The following AFF1 variants were observed in gnomAD, a reference collection of about 807,000 sequenced individuals.
AFF1 encodes the protein AF4/FMR2 family member 1.
In AFF1, 48 loss-of-function variants were observed where a neutral mutation model predicts 121.7. That is an observed-to-expected ratio of 0.39 (90% confidence interval 0.31 to 0.50). The LOEUF (loss-of-function observed/expected upper bound fraction) is 0.50. Among genes scored for constraint, AFF1 ranks in the 20% least tolerant of loss-of-function variants. The pLI, the probability that AFF1 is intolerant of heterozygous loss-of-function variation, is 0.76. For synonymous variants in AFF1, 613 were observed against 563.0 expected (o/e 1.09, Z -1.26); for missense variants, 1,523 against 1,511.7 (o/e 1.01, Z -0.12).
intron 2 of AFF1, chr4:86,950,191 T>C (rs1721205997): frequency 1.4e-6 from 2 of 1,384,048 alleles, no homozygotes; most frequent in Non-Finnish European, 2.1e-6. Flanking sequence ...TATTATTATT[T>C]TTTTAAGACA....
chr4:87,125,269 A>G (rs966012339), intron 13 of AFF1, 126 bp downstream of exon 13: 10 of 567,120 alleles, frequency 1.8e-5, no homozygotes, highest in Middle Eastern at 3.8e-4. Context: ...CATTTGGACA[A>G]TGTAATAAGT....
At chr4:86,942,574 A>G (rs571348958) in intron 1 of AFF1, among the ~76,000 whole-genome samples, 2 of 152,336 alleles carry the variant, frequency 1.3e-5, no homozygotes, top group African/African-American at 4.8e-5. Context: ...AGTCTTAGGT[A>G]ATAGATCATG....
In AFF1 at chr4:87,139,387, C is replaced by T. The variant is rs1729544291; in HGVS notation, c.*3686C>T. The T allele has an allele frequency of 4.3e-6, 1 of 232,790 alleles. No homozygotes were observed. Among genetic ancestry groups the T allele is most frequent in the Non-Finnish European group, 8.5e-6 (1 of 117,760 alleles). The allele number at this position is 232,790 out of a possible 1,614,324, so 14.4% of individuals were successfully genotyped here. ...TTGTTTTGTTTTCTTGTACTTAAAC[C>T]TGCTTGCTTCCTACCACAGATTCTT... On this transcript the variant is annotated 3_prime_UTR_variant, in exon 21 of 21. Transcript: ENST00000395146.
intron 2 of AFF1, among the ~76,000 whole-genome samples, chr4:87,018,870 A>G (rs375403549): frequency 3.3e-4 from 51 of 152,270 alleles, no homozygotes; most frequent in African/African-American, 1.2e-3. Context: ...TCGAGAGGAC[A>G]TTTTTCTTTG....
chr4:87,001,491 C>T (rs1444373346), intron 2 of AFF1, among the ~76,000 whole-genome samples: 3 of 152,136 alleles, frequency 2.0e-5, no homozygotes, highest in African/African-American at 7.2e-5. Flanking sequence ...GTCGGGATTA[C>T]AGGCGTGAGC....
rs115403958 is a variant in AFF1, at chr4:86,956,210, A to G, written c.38+7639A>G. ...TATACAAAACACCTTGTTTTCCCTC[A>G]TTTTAGAAAATGATTGCTAACTGAT... On this transcript the variant is annotated intron_variant, in intron 2 of 20. Transcript: ENST00000395146. Among the ~76,000 whole-genome samples the G allele has an allele frequency of 3.0e-3, 455 of 152,314 alleles. 1 individual carries two copies. Among genetic ancestry groups the G allele is most frequent in the African/African-American group, 0.01 (424 of 41,568 alleles).
At chr4:87,047,618 G>A (rs1448924983) in intron 4 of AFF1, 24 bp downstream of exon 4, 2 of 1,613,850 alleles carry the variant, frequency 1.2e-6, no homozygotes, top group East Asian at 4.5e-5. Context: ...CTTATCTTGG[G>A]GAATTCCAAT....
intron 12 of AFF1, among the ~76,000 whole-genome samples, chr4:87,116,485 A>G (rs764260675): frequency 5.9e-5 from 9 of 152,208 alleles, no homozygotes; most frequent in Admixed American, 2.0e-4. Flanking sequence ...AAGGAATAAA[A>G]TTTTTAACAC....
chr4:87,118,469 T>C (rs372556980), intron 12 of AFF1, among the ~76,000 whole-genome samples: 13 of 152,378 alleles, frequency 8.5e-5, no homozygotes, highest in South Asian at 6.2e-4. Context: ...TACCAACTTA[T>C]GTTTTCTTTT....
At chr4:87,019,305 G>A (rs964922858) in intron 2 of AFF1, among the ~76,000 whole-genome samples, 11 of 152,160 alleles carry the variant, frequency 7.2e-5, no homozygotes, top group Non-Finnish European at 1.0e-4. Context: ...TGTTATAATG[G>A]TGGGGCACTT....
chr4:87,071,017 A>ACCCC (rs1560596681), intron 4 of AFF1, among the ~76,000 whole-genome samples: 1 of 152,080 alleles, frequency 6.6e-6, no homozygotes, highest in African/African-American at 2.4e-5. Context: ...AGGAAGAAGA[A>ACCCC]CCCCCAATTT....
chr4:86,995,937 TG>T (rs1310040954), intron 2 of AFF1, among the ~76,000 whole-genome samples: 1 of 138,862 alleles, frequency 7.2e-6, no homozygotes, highest in African/African-American at 2.7e-5. Flanking sequence ...CCGTCCGGGA[TG>T]TGAGGAGCGT....
At chr4:87,021,841 CTG>C (rs1203664448) in intron 2 of AFF1, among the ~76,000 whole-genome samples, 4 of 152,178 alleles carry the variant, frequency 2.6e-5, no homozygotes, top group Non-Finnish European at 5.9e-5. Context: ...TTACTTTAGA[CTG>C]TTATGATTTT....
intron 2 of AFF1, among the ~76,000 whole-genome samples, chr4:87,024,249 G>T (rs34140562): frequency 0.13 from 20,506 of 152,158 alleles, 1,870 homozygotes; most frequent in Middle Eastern, 0.23. Context: ...ATGATTTACT[G>T]GTGGAGCAAA....
chr4:87,115,359 G>A, intron 12 of AFF1, 60 bp downstream of exon 12: 1 of 1,445,826 alleles, frequency 6.9e-7, no homozygotes, highest in Non-Finnish European at 9.2e-7. Flanking sequence ...TGGCCTGGCG[G>A]TATCTTTGAT....
intron 2 of AFF1, among the ~76,000 whole-genome samples, chr4:87,010,813 T>C (rs340632): frequency 0.94 from 142,832 of 152,262 alleles, 67,314 homozygotes; most frequent in Non-Finnish European, 0.98. Flanking sequence ...CTGGGCCGGG[T>C]GTGGTGGCTC....
At chr4:87,004,638 G>C (rs1373637474) in intron 2 of AFF1, among the ~76,000 whole-genome samples, 1 of 152,110 alleles carries the variant, frequency 6.6e-6, no homozygotes, top group Non-Finnish European at 1.5e-5. Flanking sequence ...ATATATTCTT[G>C]TTCCAGTGAG....
intron 2 of AFF1, among the ~76,000 whole-genome samples, chr4:87,031,077 G>A (rs1191579399): frequency 6.6e-6 from 1 of 152,166 alleles, no homozygotes; most frequent in African/African-American, 2.4e-5. Context: ...GGGTAGGAGG[G>A]TATTGCAGGC....
At chr4:87,071,085 A>G (rs1377449996) in intron 4 of AFF1, among the ~76,000 whole-genome samples, 3 of 152,064 alleles carry the variant, frequency 2.0e-5, no homozygotes, top group African/African-American at 7.2e-5. Context: ...TTTTAGTAAG[A>G]ACTATGTTAT....
Sources: gnomAD v4.1 joint callset for allele counts (sites outside exome capture counted in the v4.1 genomes callset) on GRCh38, gnomAD v4.1.1 for gene constraint, MANE v1.5 for transcripts, NCBI Gene and HGNC (gene_info 2026-07-23, HGNC 2026-07-21) for gene names.